The following RASSF9 variants were observed in gnomAD, a reference collection of about 807,000 sequenced individuals.
RASSF9 encodes the protein Ras association domain family member 9.
Under a neutral mutation model 21.4 loss-of-function variants are expected in RASSF9, and 18 were observed. The ratio of observed to expected loss-of-function variants is 0.84; its 90% CI spans 0.58 to 1.25. The LOEUF (loss-of-function observed/expected upper bound fraction) is 1.25. Ranked by LOEUF, RASSF9 falls within the 50% of genes most tolerant of loss-of-function variation. The pLI, the probability that RASSF9 is intolerant of heterozygous loss-of-function variation, is 0.00. For missense variants in RASSF9, 480 were observed against 503.2 expected, an observed-to-expected ratio of 0.95 and a Z score of 0.44; for synonymous variants, 183 against 179.1, an observed-to-expected ratio of 1.02 and a Z score of -0.18.
intron 1 of RASSF9, among the ~76,000 whole-genome samples, chr12:85,817,138 G>A (rs1880088946): frequency 6.6e-6 from 1 of 152,152 alleles, no homozygotes. Context: ...TAATTATAAA[G>A]AACAAGTTTA....
At chr12:85,814,008 C>T (rs1880009674) in intron 1 of RASSF9, among the ~76,000 whole-genome samples, 2 of 151,940 alleles carry the variant, frequency 1.3e-5, no homozygotes, top group Non-Finnish European at 2.9e-5. Flanking sequence ...TTGCTTGAGT[C>T]TCTGCAGAAC....
intron 1 of RASSF9, among the ~76,000 whole-genome samples, chr12:85,817,921 A>T (rs1469937512): frequency 2.0e-5 from 3 of 152,198 alleles, no homozygotes; most frequent in Non-Finnish European, 4.4e-5. Flanking sequence ...AAATAATAAA[A>T]AAGACATAGA....
intron 1 of RASSF9, among the ~76,000 whole-genome samples, chr12:85,828,683 T>C (rs967040480): frequency 1.3e-5 from 2 of 152,124 alleles, no homozygotes; most frequent in Non-Finnish European, 2.9e-5. Flanking sequence ...CTATTAATTA[T>C]AGTTCTAGGA....
intron 1 of RASSF9, among the ~76,000 whole-genome samples, chr12:85,830,178 T>A (rs924661423): frequency 1.3e-5 from 2 of 152,122 alleles, no homozygotes; most frequent in Non-Finnish European, 2.9e-5. Context: ...TATGCATACC[T>A]GGCTGTGTTC....
intron 1 of RASSF9, among the ~76,000 whole-genome samples, chr12:85,818,129 A>G (rs918540783): frequency 2.0e-5 from 3 of 152,228 alleles, no homozygotes; most frequent in Non-Finnish European, 2.9e-5. Flanking sequence ...AGATAACTAA[A>G]GAACAGTTGA....
At chr12:85,814,703 C>T (rs11117043) in intron 1 of RASSF9, among the ~76,000 whole-genome samples, 3,038 of 151,374 alleles carry the variant, frequency 0.02, 151 homozygotes, top group East Asian at 0.062. Context: ...AACCTTTATG[C>T]TTGCTATAAT....
chr12:85,804,663 A>G lies in RASSF9; in HGVS notation c.*39T>C. The G allele has an allele frequency of 5.4e-6, 8 of 1,490,186 alleles. No individual in the cohort carries two copies. The highest frequency in any genetic ancestry group is 7.2e-6 in the Non-Finnish European group (8 of 1,111,424). 92.3% of individuals were successfully genotyped at this position (1,490,186 alleles called of 1,614,324 possible). On this transcript the variant is annotated 3_prime_UTR_variant, in exon 2 of 2. Transcript: ENST00000361228. ...AGGTTTCCTATTAAATTAAACAAAC[A>G]TTAAAACATGAAAGCAGGTCAGAAA...
chr12:85,826,752 C>T lies in RASSF9; in HGVS notation c.47+9403G>A, dbSNP rs184554067. 8.6e-5 allele frequency among the ~76,000 whole-genome samples: 13 copies of T among 152,018 alleles called. No individual in the cohort carries two copies. The East Asian group carries it at 2.5e-3, about 29-fold the overall frequency. ...GCCACCGCGCCTGGCCCATCCCTTC[C>T]AATATTTTTAAATATATTTCTTCAA... On this transcript the variant is annotated intron_variant, in intron 1 of 1. Coordinates refer to ENST00000361228, the MANE Select transcript of RASSF9 (RefSeq NM_005447.4).
chr12:85,818,887 A>G (rs932220000), intron 1 of RASSF9, among the ~76,000 whole-genome samples: 2 of 133,982 alleles, frequency 1.5e-5, no homozygotes, highest in African/African-American at 5.7e-5. Context: ...TGAACCCGGG[A>G]GGTGGAGCTT....
At chr12:85,821,729 G>C (rs1469086803) in intron 1 of RASSF9, among the ~76,000 whole-genome samples, 1 of 151,986 alleles carries the variant, frequency 6.6e-6, no homozygotes, top group Non-Finnish European at 1.5e-5. Context: ...AATTTTCGAA[G>C]AAGTAATATT....
chr12:85,800,900 T>G lies in RASSF9; in HGVS notation c.*3802A>C, dbSNP rs2136546192. 6.6e-6 allele frequency: 1 copy of G among 152,014 alleles called. No individual in the cohort carries two copies. The highest frequency in any genetic ancestry group is 1.9e-4 in the East Asian group (1 of 5,184). The allele number at this position is 152,014 out of a possible 1,614,324, so 9.4% of individuals were successfully genotyped here. On this transcript the variant is annotated 3_prime_UTR_variant, in exon 2 of 2. Transcript: ENST00000361228. ...AAATATGTTTTAAATAGATTATGTC[T>G]ACTTGGAAAATAATTATAAAAGGCA...
chr12:85,816,829 A>G (rs1880078903), intron 1 of RASSF9, among the ~76,000 whole-genome samples: 1 of 152,146 alleles, frequency 6.6e-6, no homozygotes, highest in Admixed American at 6.6e-5. Flanking sequence ...TAGATAGAAC[A>G]TCTTATGCAA....
At chr12:85,815,196 T>C (rs1339381930) in intron 1 of RASSF9, among the ~76,000 whole-genome samples, 2 of 151,954 alleles carry the variant, frequency 1.3e-5, no homozygotes, top group Non-Finnish European at 2.9e-5. Flanking sequence ...CAAAAACCTC[T>C]GGTTTAGGGG....
intron 1 of RASSF9, among the ~76,000 whole-genome samples, chr12:85,825,360 G>T (rs757555122): frequency 6.6e-6 from 1 of 152,052 alleles, no homozygotes; most frequent in Non-Finnish European, 1.5e-5. Context: ...CTTGGGAGTG[G>T]GGTAGAGATG....
intron 1 of RASSF9, among the ~76,000 whole-genome samples, chr12:85,807,287 G>T (rs1879856598): frequency 6.6e-6 from 1 of 152,104 alleles, no homozygotes; most frequent in Non-Finnish European, 1.5e-5. Flanking sequence ...TGCTGCTGGT[G>T]GGAAGGAGAG....
chr12:85,833,667 A>G (rs528726547), intron 1 of RASSF9, among the ~76,000 whole-genome samples: 3 of 152,040 alleles, frequency 2.0e-5, no homozygotes, highest in South Asian at 2.1e-4. Context: ...TTAATCCCCA[A>G]TGTTCCTTCT....
At chr12:85,821,011 G>C (rs1184124715) in intron 1 of RASSF9, among the ~76,000 whole-genome samples, 1 of 152,092 alleles carries the variant, frequency 6.6e-6, no homozygotes, top group African/African-American at 2.4e-5. Flanking sequence ...AGGCGTAGTG[G>C]CACGGGCCTA....
chr12:85,823,992 A>G (rs1005864624), intron 1 of RASSF9, among the ~76,000 whole-genome samples: 3 of 152,222 alleles, frequency 2.0e-5, no homozygotes, highest in Non-Finnish European at 2.9e-5. Flanking sequence ...TTGTCTCACT[A>G]TACACATTCT....
Position 85,802,651 on chromosome 12 carries a change from C to G in RASSF9, c.*2051G>C, listed in dbSNP as rs1289180944. The G allele has an allele frequency of 6.6e-6, 1 of 152,050 alleles. No individual in the cohort carries two copies. Among genetic ancestry groups the G allele is most frequent in the Non-Finnish European group, 1.5e-5 (1 of 67,968 alleles). The allele number at this position is 152,050 out of a possible 1,614,324, so 9.4% of individuals were successfully genotyped here. ...AACCTCTTGAATTCAGATAATTAGT[C>G]AAATAGATAAGCATGTTCTTTCAGT... On this transcript the variant is annotated 3_prime_UTR_variant, in exon 2 of 2. Coordinates refer to ENST00000361228, the MANE Select transcript of RASSF9 (RefSeq NM_005447.4).
Sources: allele counts gnomAD v4.1 joint callset (sites outside exome capture counted in the v4.1 genomes callset), GRCh38; gene constraint gnomAD v4.1.1; transcripts MANE v1.5; gene names NCBI Gene and HGNC (gene_info 2026-07-23, HGNC 2026-07-21).